Variants in CPNE2 observed in about 807,000 individuals in gnomAD.
CPNE2 encodes the protein copine-2.
In CPNE2, 42 loss-of-function variants were observed where a neutral mutation model predicts 69.7. That is an observed-to-expected ratio of 0.60 (90% CI 0.47 to 0.78). CPNE2 has a LOEUF of 0.78. Among genes scored for constraint, CPNE2 ranks in the 30% least tolerant of loss-of-function variants. CPNE2 has a pLI of 0.00. For synonymous variants in CPNE2, 294 were observed against 289.8 expected, an observed-to-expected ratio of 1.01 and a Z score of -0.15; for missense variants, 587 against 732.0, an observed-to-expected ratio of 0.80 and a Z score of 2.29.
At chr16:57,137,059 A>G in intron 13 of CPNE2, 90 bp from the exon 14 acceptor site, 1 of 1,526,038 alleles carries the variant, frequency 6.6e-7, no homozygotes, top group Non-Finnish European at 8.9e-7. Flanking sequence ...ATTTTGGGTA[A>G]GCATGAAATA....
At chr16:57,136,711 T>A (rs1021122462) in intron 13 of CPNE2, among the ~76,000 whole-genome samples, 5 of 152,120 alleles carry the variant, frequency 3.3e-5, no homozygotes, top group African/African-American at 1.2e-4. Flanking sequence ...GTCAGGAGTT[T>A]GAGACCAGCC....
At position 57,147,631 on chromosome 16, in the gene CPNE2, GCCC is replaced by G; in HGVS notation, c.1624_1626del (p.Pro542del). The G allele has an allele frequency of 6.2e-7, 1 of 1,603,434 alleles. No individual in the cohort carries two copies. The highest frequency in any genetic ancestry group is 8.5e-7 in the Non-Finnish European group (1 of 1,172,726). On this transcript the variant is annotated inframe_deletion, in exon 16 of 16. Transcript: ENST00000290776. ...TGCAGTATTTCAAGCATAAAAACCT[GCCC>G]CCCACCAACTCGGAGCCCGCCTGAG...
rs1597496967 is a variant in CPNE2, at chr16:57,119,556, C to T, written c.592-5C>T. On this transcript the variant is annotated splice_polypyrimidine_tract_variant and splice_region_variant and intron_variant, in intron 6 of 15. Transcript: ENST00000290776. ...GAGCTCACAGCATCCCTCTCTGTCCCACAGGTGATCAAGTACACACTGGAC... is the reference window on the plus strand; with the variant it reads ...GAGCTCACAGCATCCCTCTCTGTCCTACAGGTGATCAAGTACACACTGGAC... The T allele has an allele frequency of 2.5e-6, 4 of 1,611,164 alleles. No homozygotes were observed. Among genetic ancestry groups the T allele is most frequent in the Non-Finnish European group, 3.4e-6 (4 of 1,178,480 alleles).
At chr16:57,132,020 C>G (rs1280440288) in intron 12 of CPNE2, among the ~76,000 whole-genome samples, 4 of 152,204 alleles carry the variant, frequency 2.6e-5, no homozygotes, top group Non-Finnish European at 5.9e-5. Flanking sequence ...TTTCTGCCTG[C>G]ATCCCAGCAC....
At chr16:57,139,113 C>T (rs1221137400) in intron 14 of CPNE2, among the ~76,000 whole-genome samples, 4 of 152,304 alleles carry the variant, frequency 2.6e-5, no homozygotes, top group Admixed American at 6.5e-5. Context: ...TCAGTCTCCC[C>T]GAGCATTTGG....
chr16:57,122,998 A>T (rs2069774081), intron 9 of CPNE2, among the ~76,000 whole-genome samples: 1 of 152,082 alleles, frequency 6.6e-6, no homozygotes, highest in Non-Finnish European at 1.5e-5. Context: ...TGCCAAAAAG[A>T]GACAAAGACC....
chr16:57,121,570 C>A, intron 8 of CPNE2, 104 bp from the exon 9 acceptor site: 1 of 1,118,464 alleles, frequency 8.9e-7, no homozygotes, highest in Non-Finnish European at 1.3e-6. Flanking sequence ...AGGAAGCATG[C>A]TGCCCCCATT....
chr16:57,099,160 G>A (rs1200169602), intron 1 of CPNE2, among the ~76,000 whole-genome samples: 1 of 152,154 alleles, frequency 6.6e-6, no homozygotes, highest in East Asian at 1.9e-4. Context: ...CAGCAGCATA[G>A]ATTTGTTTTG....
At chr16:57,115,391 G>A in intron 3 of CPNE2, 85 bp from the exon 4 acceptor site, 2 of 1,135,704 alleles carry the variant, frequency 1.8e-6, no homozygotes. Context: ...CTGCCAAGAG[G>A]ATTTTTCCGG....
At chr16:57,101,920 G>C (rs1452153518) in intron 1 of CPNE2, among the ~76,000 whole-genome samples, 2 of 152,074 alleles carry the variant, frequency 1.3e-5, no homozygotes, top group Admixed American at 1.3e-4. Flanking sequence ...GAGCAGGTCT[G>C]GGTGGGCCCA....
At chr16:57,124,448 T>C (rs1199643968) in intron 10 of CPNE2, 9 of 449,008 alleles carry the variant, frequency 2.0e-5, no homozygotes, top group Non-Finnish European at 4.0e-5. Flanking sequence ...CGCTTCTCCC[T>C]GATCGTCGCA....
chr16:57,140,924 G>A (rs1413956202), intron 14 of CPNE2: 2 of 143,288 alleles, frequency 1.4e-5, no homozygotes, highest in Admixed American at 7.3e-5. Context: ...GCTAGAACTG[G>A]CTAGAGAGGG....
chr16:57,124,438 C>T lies in CPNE2; in HGVS notation c.927+965C>T, dbSNP rs59044975. ...CGCCCCGAGATTCATATGCATTTGT[C>T]GCTTCTCCCTGATCGTCGCACCCAC... On this transcript the variant is annotated intron_variant, in intron 10 of 15. Transcript: ENST00000290776. 5.7e-4 allele frequency: 258 copies of T among 452,794 alleles called. 1 individual carries two copies. The highest frequency in any genetic ancestry group is 4.9e-3 in the African/African-American group (247 of 49,998). 28.0% of individuals were successfully genotyped at this position (452,794 alleles called of 1,614,324 possible). A position where few individuals can be genotyped will look rare whatever the true frequency, so the allele number is the denominator to read the frequency against.
intron 12 of CPNE2, among the ~76,000 whole-genome samples, chr16:57,128,497 G>C (rs547233986): frequency 1.4e-4 from 22 of 152,176 alleles, no homozygotes; most frequent in Non-Finnish European, 2.6e-4. Flanking sequence ...GAAGTGCTAG[G>C]ATTACAGGCC....
chr16:57,113,611 G>GC, intron 3 of CPNE2, 144 bp downstream of exon 3: 1 of 878,738 alleles, frequency 1.1e-6, no homozygotes, highest in Middle Eastern at 3.4e-4. Context: ...CAGTCTTGGC[G>GC]GGTTCAAGGC....
chr16:57,121,631 A>G (rs1369634279), intron 8 of CPNE2, 43 bp from the exon 9 acceptor site: 8 of 1,589,032 alleles, frequency 5.0e-6, no homozygotes, highest in East Asian at 2.2e-5. Context: ...TCTGTTTCCA[A>G]AGAAGCCCCG....
At chr16:57,118,039 T>TCTCACCTC (rs2069732756) in intron 5 of CPNE2, among the ~76,000 whole-genome samples, 1 of 152,096 alleles carries the variant, frequency 6.6e-6, no homozygotes, top group Non-Finnish European at 1.5e-5. Context: ...CACGGCACCC[T>TCTCACCTC]CTCACCTCCA....
Position 57,121,112 on chromosome 16 carries a change from A to G in CPNE2, c.701A>G (p.Asp234Gly). 1 of 1,613,898 alleles carries G rather than the reference A, an allele frequency of 6.2e-7. No individual in the cohort carries two copies. The highest frequency in any genetic ancestry group is 8.5e-7 in the Non-Finnish European group (1 of 1,179,880). ...KPIQVMCYDY[D>G]NDGGHDFIGE... ...CCCCAGGTCATGTGCTACGACTATG[A>G]CAATGACGGGGGCCATGACTTCATC... Residue 234 changes from aspartate to glycine, a missense_variant, in exon 8 of 16, where the codon GAC becomes GGC. Physicochemically the swap from Asp to Gly is moderately conservative, Grantham distance 94. Transcript: ENST00000290776.
intron 10 of CPNE2, chr16:57,124,319 C>G (rs1381924302): frequency 1.4e-5 from 6 of 441,300 alleles, no homozygotes; most frequent in South Asian, 9.5e-5. Flanking sequence ...TGGGCTCAAG[C>G]GATCTGCCCA....
Sources: gnomAD v4.1 joint callset for allele counts (sites outside exome capture counted in the v4.1 genomes callset) on GRCh38, gnomAD v4.1.1 for gene constraint, MANE v1.5 for transcripts, NCBI Gene and HGNC (gene_info 2026-07-23, HGNC 2026-07-21) for gene names.